PTER: variants seen among roughly 807,000 people sequenced by gnomAD.
PTER encodes the protein N-acetyltaurine hydrolase.
Under a neutral mutation model 29.6 loss-of-function variants are expected in PTER, and 38 were observed. The ratio of observed to expected loss-of-function variants is 1.28; its 90% CI spans 0.99 to 1.68. The LOEUF is 1.68. Ranked by LOEUF, PTER falls within the 40% of genes most tolerant of loss-of-function variation. The pLI, the probability that PTER is intolerant of heterozygous loss-of-function variation, is 0.00. For synonymous variants in PTER, 172 were observed against 154.5 expected (o/e 1.11, Z -0.84); for missense variants, 482 against 427.8 (o/e 1.13, Z -1.12).
At chr10:16,461,963 G>T (rs1282221081) in intron 1 of PTER, among the ~76,000 whole-genome samples, 1 of 150,814 alleles carries the variant, frequency 6.6e-6, no homozygotes, top group East Asian at 1.9e-4. Context: ...TGTTTTACTG[G>T]AAGCCATGAC....
chr10:16,496,375 C>T (rs139795525), intron 3 of PTER, among the ~76,000 whole-genome samples: 94 of 152,300 alleles, frequency 6.2e-4, no homozygotes, highest in African/African-American at 1.3e-3. Context: ...CCTTATCTCT[C>T]GTTATTCCCA....
chr10:16,437,803 G>A (rs1833703494), intron 1 of PTER, among the ~76,000 whole-genome samples: 1 of 152,108 alleles, frequency 6.6e-6, no homozygotes. Context: ...AAAGTTTAGA[G>A]GTGGAGTCTT....
rs559520837 is a variant in PTER at position 16,501,859 on chromosome 10, A to G, written c.699-3161A>G. Among the ~76,000 whole-genome samples, 6 of 152,332 alleles carry G rather than the reference A, an allele frequency of 3.9e-5. No individual in the cohort carries two copies. The South Asian group carries it at 1.0e-3, about 26-fold the overall frequency. ...ATCAAGTCCCAGTTTCTCAGTCTTCAGAATTGAGAGCTGCTGGGATCATGG... is the reference window on the plus strand; with the variant it reads ...ATCAAGTCCCAGTTTCTCAGTCTTCGGAATTGAGAGCTGCTGGGATCATGG... On this transcript the variant is annotated intron_variant, in intron 3 of 4. Coordinates refer to ENST00000535784, the MANE Select transcript of PTER (RefSeq NM_001261836.2).
intron 3 of PTER, among the ~76,000 whole-genome samples, chr10:16,494,422 G>T (rs962272000): frequency 3.9e-5 from 6 of 152,104 alleles, no homozygotes; most frequent in South Asian, 2.1e-4. Context: ...AGCAGTCAGA[G>T]AACTGAATAA....
chr10:16,500,046 CTT>C (rs5783509), intron 3 of PTER, among the ~76,000 whole-genome samples: 70,229 of 150,760 alleles, frequency 0.47, 16,488 homozygotes, highest in East Asian at 0.68. Context: ...GGCCTTGCCC[CTT>C]TTTTTTTAAC....
intron 3 of PTER, among the ~76,000 whole-genome samples, chr10:16,502,615 C>T (rs925682018): frequency 3.3e-5 from 5 of 152,128 alleles, no homozygotes; most frequent in African/African-American, 1.2e-4. Context: ...CAGTAGTCAA[C>T]TCCCAGGAAT....
In PTER at chr10:16,441,527, G is replaced by A. The variant is rs151109497; in HGVS notation, c.-49+4480G>A. Among the ~76,000 whole-genome samples, 378 of 152,286 alleles carry A rather than the reference G, an allele frequency of 2.5e-3. 3 individuals carry two copies. Among genetic ancestry groups the A allele is most frequent in the African/African-American group, 8.5e-3 (355 of 41,552 alleles). On this transcript the variant is annotated intron_variant, in intron 1 of 4. Transcript: ENST00000535784. The stretch of plus-strand genomic sequence containing the variant: ...TCTTTTATTCTGAGTTAAACAGAAG[G>A]CAAGCCGGGAGCATTGTGCTTTGGA...
intron 1 of PTER, among the ~76,000 whole-genome samples, chr10:16,438,688 G>T (rs1047980517): frequency 1.3e-5 from 2 of 151,008 alleles, no homozygotes; most frequent in African/African-American, 4.8e-5. Context: ...GGCACTTTGG[G>T]AGGCTGAGGC....
chr10:16,478,103 C>G (rs759828272), intron 1 of PTER, among the ~76,000 whole-genome samples: 2 of 152,162 alleles, frequency 1.3e-5, no homozygotes, highest in Non-Finnish European at 2.9e-5. Flanking sequence ...AATTTTACAT[C>G]AAACATTCTC....
chr10:16,514,450 TG>T, downstream of PTER: 2 of 1,297,342 alleles, frequency 1.5e-6, no homozygotes, highest in East Asian at 2.3e-5. Context: ...TGGCATCCCC[TG>T]GGATCCTTGA....
At chr10:16,514,447 C>T (rs866741804), downstream of PTER, 1 of 1,238,092 alleles carries the variant, frequency 8.1e-7, no homozygotes, top group East Asian at 2.3e-5. Context: ...CATTGGCATC[C>T]CCTGGGATCC....
chr10:16,440,278 G>A (rs1833801363), intron 1 of PTER, among the ~76,000 whole-genome samples: 1 of 151,524 alleles, frequency 6.6e-6, no homozygotes, highest in African/African-American at 2.4e-5. Flanking sequence ...ATGTTGATCA[G>A]GCTGCTCTTG....
chr10:16,449,178 G>A (rs924477422), intron 1 of PTER, among the ~76,000 whole-genome samples: 1 of 152,192 alleles, frequency 6.6e-6, no homozygotes, highest in Non-Finnish European at 1.5e-5. Flanking sequence ...TCTAGGTAGA[G>A]GCAGCTCTAA....
intron 1 of PTER, among the ~76,000 whole-genome samples, chr10:16,471,409 T>A (rs1564394932): frequency 6.6e-6 from 1 of 152,148 alleles, no homozygotes; most frequent in Non-Finnish European, 1.5e-5. Flanking sequence ...TCCCTTTTAC[T>A]GATTATAAAT....
intron 1 of PTER, among the ~76,000 whole-genome samples, chr10:16,461,974 C>T (rs1834629161): frequency 6.6e-6 from 1 of 151,316 alleles, no homozygotes; most frequent in South Asian, 2.1e-4. Flanking sequence ...AAGCCATGAC[C>T]GTATTTCCTA....
At chr10:16,463,199 A>T (rs903168645) in intron 1 of PTER, among the ~76,000 whole-genome samples, 1 of 92,966 alleles carries the variant, frequency 1.1e-5, no homozygotes, top group Non-Finnish European at 2.3e-5. Context: ...GACTCTGTCT[A>T]AAAAAAAAAA....
intron 1 of PTER, among the ~76,000 whole-genome samples, chr10:16,475,706 A>C (rs1004513116): frequency 6.6e-6 from 1 of 152,202 alleles, no homozygotes; most frequent in African/African-American, 2.4e-5. Flanking sequence ...CGTCATTTCC[A>C]GTACTGCTTA....
At chr10:16,467,783 A>G (rs991555578) in intron 1 of PTER, among the ~76,000 whole-genome samples, 3 of 119,464 alleles carry the variant, frequency 2.5e-5, no homozygotes, top group Non-Finnish European at 5.1e-5. Flanking sequence ...CCTGGGTTAC[A>G]TGAGTAAAAT....
chr10:16,487,072 C>T (rs956860600), intron 3 of PTER, among the ~76,000 whole-genome samples: 1 of 152,136 alleles, frequency 6.6e-6, no homozygotes, highest in Non-Finnish European at 1.5e-5. Context: ...TAAATGTTCA[C>T]ATTTGTGTCA....
Sources: allele counts gnomAD v4.1 joint callset (sites outside exome capture counted in the v4.1 genomes callset), GRCh38; gene constraint gnomAD v4.1.1; transcripts MANE v1.5; gene names NCBI Gene and HGNC (gene_info 2026-07-23, HGNC 2026-07-21).